Variants in UTP20 observed in about 807,000 individuals in gnomAD.
The protein encoded by UTP20 is small subunit processome component 20 homolog.
A neutral mutation model predicts 329.5 loss-of-function variants in UTP20; 164 were observed. The ratio of observed to expected loss-of-function variants is 0.50; its 90% CI spans 0.44 to 0.57. UTP20 has a LOEUF of 0.57. Ranked by LOEUF, UTP20 falls within the 20% of genes least tolerant of loss-of-function variation. UTP20 has a pLI of 0.00. For synonymous variants in UTP20, 1,151 were observed against 1,159.3 expected, an observed-to-expected ratio of 0.99 and a Z score of 0.14; for missense variants, 3,055 against 3,284.2, an observed-to-expected ratio of 0.93 and a Z score of 1.71.
At chr12:101,301,924 T>TTATG (rs1475780274) in intron 14 of UTP20, among the ~76,000 whole-genome samples, 1 of 149,838 alleles carries the variant, frequency 6.7e-6, no homozygotes, top group African/African-American at 2.4e-5. Context: ...TTCTGAGTAT[T>TTATG]TATTTATTTA....
At position 101,345,583 on chromosome 12, in the gene UTP20, T is replaced by G; in HGVS notation, c.4635T>G (p.Leu1545=). ...ESIQQDYTTI[L]SCLIQTFPNQ... ...TTCAGCAGGATTATACCACAATACTTTCCTGTTTAATTCAAACCTTTCCAA... is the reference window on the plus strand; with the variant it reads ...TTCAGCAGGATTATACCACAATACTGTCCTGTTTAATTCAAACCTTTCCAA... Residue 1545 remains leucine, a synonymous_variant, in exon 37 of 62, where the codon CTT becomes CTG. Coordinates refer to ENST00000261637, the MANE Select transcript of UTP20 (RefSeq NM_014503.3). The G allele has an allele frequency of 1.9e-6, 3 of 1,603,768 alleles. No homozygotes were observed. The highest frequency in any genetic ancestry group is 2.6e-6 in the Non-Finnish European group (3 of 1,171,422).
Position 101,380,435 on chromosome 12 carries a change from G to T in UTP20, c.7585-705G>T, listed in dbSNP as rs529352279. On this transcript the variant is annotated intron_variant, in intron 57 of 61. Transcript: ENST00000261637. The stretch of plus-strand genomic sequence containing the variant: ...AAATGTTAGGGACCATGATATATGT[G>T]TCTCTGGTTTCCTAGGTCCTAGCAC... Among the ~76,000 whole-genome samples, 202 of 152,222 alleles carry T rather than the reference G, an allele frequency of 1.3e-3. 1 individual carries two copies. The highest frequency in any genetic ancestry group is 4.6e-3 in the African/African-American group (193 of 41,538).
chr12:101,293,118 G>A (rs532611799), intron 10 of UTP20, 50 bp from the exon 11 acceptor site: 14 of 1,569,794 alleles, frequency 8.9e-6, no homozygotes, highest in Non-Finnish European at 1.2e-5. Context: ...GGGGGGATGG[G>A]GAAAATACTC....
chr12:101,372,432 C>T (rs998016231), intron 51 of UTP20, among the ~76,000 whole-genome samples: 6 of 152,208 alleles, frequency 3.9e-5, no homozygotes, highest in African/African-American at 7.2e-5. Flanking sequence ...AAACACTTAA[C>T]GCAGTGCTTG....
intron 43 of UTP20, among the ~76,000 whole-genome samples, chr12:101,359,044 AG>A (rs1263877989): frequency 1.3e-5 from 2 of 152,070 alleles, no homozygotes; most frequent in Non-Finnish European, 2.9e-5. Flanking sequence ...GACTTCGGCC[AG>A]TATTTCTTTG....
At chr12:101,304,431 C>T (rs1300356218) in intron 15 of UTP20, among the ~76,000 whole-genome samples, 1 of 152,226 alleles carries the variant, frequency 6.6e-6, no homozygotes, top group Non-Finnish European at 1.5e-5. Flanking sequence ...GATTGTGTCA[C>T]AACAATTCCA....
In UTP20 at chr12:101,342,940, G is replaced by T; in HGVS notation, c.4297-1G>T. 1 of 1,612,748 alleles carries T rather than the reference G, an allele frequency of 6.2e-7. No homozygotes were observed. Among genetic ancestry groups the T allele is most frequent in the Non-Finnish European group, 8.5e-7 (1 of 1,179,728 alleles). ...TATAACTTCAATGGCATTTCTTATA[G>T]CTTAACGCCTTCGATCAAAGACATC... is the stretch of plus-strand genomic sequence containing the variant. On this transcript the variant is annotated splice_acceptor_variant, in intron 34 of 61. Transcript: ENST00000261637. LOFTEE classifies it high-confidence loss of function.
At chr12:101,308,743 T>TTTTTTTTTTTTTTTTTTTCTC (rs1872703388) in intron 18 of UTP20, among the ~76,000 whole-genome samples, 1 of 151,614 alleles carries the variant, frequency 6.6e-6, no homozygotes. Context: ...TGTTTTTTTT[T>TTTTTTTTTTTTTTTTTTTCTC]TTTTTTGGAG....
intron 48 of UTP20, among the ~76,000 whole-genome samples, chr12:101,369,286 T>C (rs918961062): frequency 6.6e-6 from 1 of 152,186 alleles, no homozygotes; most frequent in Non-Finnish European, 1.5e-5. Context: ...TTGACCAACC[T>C]ATCCAAATCA....
At chr12:101,375,880 A>G (rs1032673980) in intron 56 of UTP20, 124 bp downstream of exon 56, 1 of 617,160 alleles carries the variant, frequency 1.6e-6, no homozygotes, top group Non-Finnish European at 2.7e-6. Context: ...AGAGTCCATG[A>G]GAAAAAACCT....
chr12:101,343,551 C>T (rs1409470504), intron 35 of UTP20, among the ~76,000 whole-genome samples: 2 of 152,092 alleles, frequency 1.3e-5, no homozygotes, highest in South Asian at 2.1e-4. Flanking sequence ...CGTTCTGTCA[C>T]CCAGGCTAGA....
intron 60 of UTP20, 81 bp from the exon 61 acceptor site, chr12:101,385,502 T>C (rs117760932): frequency 0.11 from 159,294 of 1,480,422 alleles, 9,639 homozygotes; most frequent in Middle Eastern, 0.13. Context: ...ATATAAATGT[T>C]GTACATATTG....
chr12:101,382,188 C>T (rs553273924), intron 58 of UTP20, among the ~76,000 whole-genome samples: 6 of 151,648 alleles, frequency 4.0e-5, no homozygotes, highest in African/African-American at 1.5e-4. Flanking sequence ...GCAGATCTCT[C>T]GAGGCCAGGA....
chr12:101,320,232 GTTGGC>G (rs1228378642), intron 23 of UTP20, among the ~76,000 whole-genome samples: 2 of 152,116 alleles, frequency 1.3e-5, no homozygotes, highest in Non-Finnish European at 2.9e-5. Context: ...GACCAGCCTA[GTTGGC>G]TTAAATCCAG....
Position 101,327,063 on chromosome 12 carries a change from G to T in UTP20, c.3042-18G>T. ...TAGAATTAATGTGCAAACAAATAAT[G>T]TGCTTTTGCCTTTTCAGAATTTTGT... On this transcript the variant is annotated intron_variant, in intron 25 of 61. Coordinates refer to ENST00000261637, the MANE Select transcript of UTP20 (RefSeq NM_014503.3). The T allele has an allele frequency of 6.3e-7, 1 of 1,577,228 alleles. No individual in the cohort carries two copies. Among genetic ancestry groups the T allele is most frequent in the Non-Finnish European group, 8.7e-7 (1 of 1,152,946 alleles).
intron 45 of UTP20, among the ~76,000 whole-genome samples, chr12:101,365,090 G>GTGTGTGTGTT (rs1870052307): frequency 6.6e-6 from 1 of 151,574 alleles, no homozygotes. Context: ...GTGTGTGTGT[G>GTGTGTGTGTT]TGTGTGTGTG....
Position 101,381,126 on chromosome 12 carries a change from T to C in UTP20, c.7585-14T>C, listed in dbSNP as rs1870631757. On this transcript the variant is annotated splice_polypyrimidine_tract_variant and intron_variant, in intron 57 of 61. Coordinates refer to ENST00000261637, the MANE Select transcript of UTP20 (RefSeq NM_014503.3). ...CCTGTGTTTTGTCTACCAATGTCCA[T>C]TTTCTTTTCACAGATGAAAAGTATC... is the stretch of plus-strand genomic sequence containing the variant. 6.2e-7 allele frequency: 1 copy of C among 1,608,266 alleles called. No individual in the cohort carries two copies. The highest frequency in any genetic ancestry group is 1.3e-5 in the African/African-American group (1 of 74,812).
At position 101,356,647 on chromosome 12, in the gene UTP20, C is replaced by A. The variant is rs1414204246; in HGVS notation, c.5488C>A (p.Leu1830Ile). The part of the protein sequence containing the change: ...RVPLAFAMVK[L>I]MQSLPQEVME... ...TCCATTAGCTTTTGCCATGGTTAAA[C>A]TAATGCAGTCCCTTCCACAAGAAGT... The change falls in exon 42 of 62, where the codon CTA becomes ATA. Residue 1830 changes from leucine to isoleucine, a missense_variant. Around this residue, in one of 3 missense-constraint regions of UTP20, gnomAD observed 2,445 missense variants for 2,575.5 expected, o/e 0.95. Coordinates refer to ENST00000261637, the MANE Select transcript of UTP20 (RefSeq NM_014503.3). The A allele has an allele frequency of 4.3e-6, 7 of 1,613,898 alleles. No individual in the cohort carries two copies. Among genetic ancestry groups the A allele is most frequent in the Non-Finnish European group, 5.1e-6 (6 of 1,179,964 alleles).
intron 15 of UTP20, among the ~76,000 whole-genome samples, chr12:101,305,091 C>T (rs1329924226): frequency 6.6e-6 from 1 of 152,118 alleles, no homozygotes; most frequent in Non-Finnish European, 1.5e-5. Flanking sequence ...CTCCCCACAA[C>T]TCCCTGCATG....
Sources: allele counts gnomAD v4.1 joint callset (sites outside exome capture counted in the v4.1 genomes callset), GRCh38; gene constraint gnomAD v4.1.1; regional missense constraint gnomAD v4.1.1; transcripts MANE v1.5; gene names NCBI Gene and HGNC (gene_info 2026-07-23, HGNC 2026-07-21).